STPG2: variants seen among roughly 807,000 people sequenced by gnomAD.
STPG2 encodes the protein sperm tail PG-rich repeat containing 2, also known as sperm-tail PG-rich repeat-containing protein 2.
STPG2 carries 56 observed loss-of-function variants against 54.2 expected under a neutral mutation model. The ratio of observed to expected loss-of-function variants is 1.03; its 90% CI spans 0.83 to 1.29. The LOEUF (loss-of-function observed/expected upper bound fraction) is 1.29. Ranked by LOEUF, STPG2 falls within the 50% of genes most tolerant of loss-of-function variation. The pLI is 0.00. For missense variants in STPG2, 596 were observed against 544.9 expected (o/e 1.09, Z -0.93); for synonymous variants, 200 against 181.8 (o/e 1.10, Z -0.81).
intron 8 of STPG2, among the ~76,000 whole-genome samples, chr4:97,904,061 A>G (rs1731292649): frequency 6.6e-6 from 1 of 152,208 alleles, no homozygotes; most frequent in Non-Finnish European, 1.5e-5. Context: ...TTAGGTAAAC[A>G]AAGCAGCTGG....
At chr4:97,571,861 C>T (rs779385112) in intron 10 of STPG2, among the ~76,000 whole-genome samples, 13 of 152,198 alleles carry the variant, frequency 8.5e-5, no homozygotes, top group Non-Finnish European at 1.6e-4. Flanking sequence ...TGACTCTTTT[C>T]GTTGACATAT....
At chr4:97,943,685 G>A (rs931486403) in intron 8 of STPG2, among the ~76,000 whole-genome samples, 2 of 152,118 alleles carry the variant, frequency 1.3e-5, no homozygotes, top group African/African-American at 2.4e-5. Context: ...AAGGGATGTT[G>A]CATGTAATAA....
At chr4:97,963,013 G>C (rs772373481) in intron 7 of STPG2, among the ~76,000 whole-genome samples, 2 of 152,164 alleles carry the variant, frequency 1.3e-5, no homozygotes, top group Admixed American at 6.5e-5. Flanking sequence ...ACAAAAATTA[G>C]CCAGGCATGG....
intron 10 of STPG2, among the ~76,000 whole-genome samples, chr4:97,618,092 G>A (rs1733919537): frequency 1.3e-5 from 2 of 152,148 alleles, no homozygotes; most frequent in Non-Finnish European, 2.9e-5. Context: ...CTGAGTTGGA[G>A]TTTAACTTCC....
intron 9 of STPG2, among the ~76,000 whole-genome samples, chr4:97,766,357 A>G (rs972249530): frequency 2.6e-5 from 4 of 152,244 alleles, no homozygotes; most frequent in South Asian, 2.1e-4. Flanking sequence ...ATTGAGAAAC[A>G]TGTTATTCCC....
chr4:97,484,076 G>A (rs188841157), intron 4 of STPG2, among the ~76,000 whole-genome samples: 7 of 149,472 alleles, frequency 4.7e-5, no homozygotes, highest in Admixed American at 4.6e-4. Flanking sequence ...AGCAAAGGTG[G>A]TGCTAGGAGG....
At chr4:97,870,665 T>C (rs1263934880) in intron 8 of STPG2, among the ~76,000 whole-genome samples, 3 of 151,260 alleles carry the variant, frequency 2.0e-5, no homozygotes, top group African/African-American at 7.3e-5. Flanking sequence ...TCATTGACAA[T>C]TATAAAACAA....
chr4:98,039,846 G>A (rs761811571), intron 5 of STPG2, among the ~76,000 whole-genome samples: 61 of 151,470 alleles, frequency 4.0e-4, no homozygotes, highest in Non-Finnish European at 7.4e-4. Context: ...TCTAGTAGTG[G>A]GATTGCTGGA....
At chr4:98,008,117 T>G (rs542689880) in intron 5 of STPG2, among the ~76,000 whole-genome samples, 5 of 152,160 alleles carry the variant, frequency 3.3e-5, no homozygotes, top group African/African-American at 1.2e-4. Flanking sequence ...GTAATTAAAT[T>G]ACAAGATGAA....
downstream of STPG2, among the ~76,000 whole-genome samples, chr4:97,556,861 A>G (rs571888269): frequency 1.3e-5 from 2 of 152,304 alleles, no homozygotes; most frequent in East Asian, 3.9e-4. Flanking sequence ...AAAGACCTAT[A>G]TACCAATAGA....
chr4:97,799,701 C>A (rs1384658681), intron 9 of STPG2, among the ~76,000 whole-genome samples: 3 of 152,142 alleles, frequency 2.0e-5, no homozygotes, highest in African/African-American at 7.2e-5. Flanking sequence ...GTGGCATTCT[C>A]TGTATTTCCT....
intron 4 of STPG2, among the ~76,000 whole-genome samples, chr4:97,460,224 A>T: frequency 6.6e-6 from 1 of 152,094 alleles, no homozygotes; most frequent in South Asian, 2.1e-4. Context: ...CAGAAGCCCC[A>T]TTTAAAATTT....
intron 10 of STPG2, among the ~76,000 whole-genome samples, chr4:97,655,137 T>G (rs1251057540): frequency 6.6e-6 from 1 of 152,096 alleles, no homozygotes; most frequent in Non-Finnish European, 1.5e-5. Context: ...TATGAAGCTA[T>G]TTTCACTGAT....
At chr4:97,514,726 C>T (rs532295362) in intron 4 of STPG2, among the ~76,000 whole-genome samples, 2 of 151,874 alleles carry the variant, frequency 1.3e-5, no homozygotes, top group South Asian at 4.2e-4. Flanking sequence ...CCAGTTGGCT[C>T]AATTTTTTTT....
intron 8 of STPG2, among the ~76,000 whole-genome samples, chr4:97,848,640 G>A (rs1161092671): frequency 1.3e-5 from 2 of 152,108 alleles, no homozygotes; most frequent in Non-Finnish European, 2.9e-5. Context: ...AAGATCTAAT[G>A]TTTAAATCTT....
chr4:97,912,670 C>T (rs926321606), intron 8 of STPG2, among the ~76,000 whole-genome samples: 9 of 152,240 alleles, frequency 5.9e-5, no homozygotes, highest in African/African-American at 2.2e-4. Flanking sequence ...ATAACAAAGC[C>T]TCCAAGAAAT....
At chr4:97,971,052 A>C (rs1472724988) in intron 7 of STPG2, among the ~76,000 whole-genome samples, 1 of 152,236 alleles carries the variant, frequency 6.6e-6, no homozygotes, top group Non-Finnish European at 1.5e-5. Flanking sequence ...AGACACAAAA[A>C]TTGCTCATCA....
At chr4:97,781,544 T>C (rs756888810) in intron 9 of STPG2, among the ~76,000 whole-genome samples, 1 of 152,050 alleles carries the variant, frequency 6.6e-6, no homozygotes, top group Non-Finnish European at 1.5e-5. Flanking sequence ...ACTATTCCAA[T>C]CAATAGAAAA....
At chr4:97,561,457 T>G (rs527613416) in intron 10 of STPG2, among the ~76,000 whole-genome samples, 20 of 152,190 alleles carry the variant, frequency 1.3e-4, no homozygotes, top group Non-Finnish European at 2.1e-4. Flanking sequence ...TTTAATTAGA[T>G]CTCATATGAC....
Sources: gnomAD v4.1 joint callset for allele counts (sites outside exome capture counted in the v4.1 genomes callset) on GRCh38, gnomAD v4.1.1 for gene constraint, MANE v1.5 for transcripts, NCBI Gene and HGNC (gene_info 2026-07-23, HGNC 2026-07-21) for gene names.